Variants in FYN observed in about 807,000 individuals in gnomAD.
FYN encodes tyrosine-protein kinase Fyn.
Under a neutral mutation model 70.2 loss-of-function variants are expected in FYN, and 10 were observed. That is an observed-to-expected ratio of 0.14 (90% CI 0.09 to 0.24). The LOEUF is 0.24. Ranked by LOEUF, FYN falls within the 10% of genes least tolerant of loss-of-function variation. The probability of loss-of-function intolerance (pLI) is 1.00; values close to 1 mark genes in which losing one functional copy is unlikely to be tolerated. For missense variants in FYN, 319 were observed against 673.1 expected (o/e 0.47, Z 5.82); for synonymous variants, 236 against 248.6 (o/e 0.95, Z 0.48).
At chr6:111,669,292 G>C (rs982987325) in intron 13 of FYN, among the ~76,000 whole-genome samples, 1 of 151,830 alleles carries the variant, frequency 6.6e-6, no homozygotes, top group Non-Finnish European at 1.5e-5. Context: ...AAAATTAGCC[G>C]GGCGTGGTGG....
chr6:111,771,761 A>G (rs1049890686), intron 3 of FYN, among the ~76,000 whole-genome samples: 3 of 152,244 alleles, frequency 2.0e-5, no homozygotes, highest in African/African-American at 7.2e-5. Flanking sequence ...TGGTTAACAT[A>G]AAGATCCCGG....
At chr6:111,828,950 G>T (rs1344008864) in intron 2 of FYN, among the ~76,000 whole-genome samples, 2 of 152,162 alleles carry the variant, frequency 1.3e-5, no homozygotes, top group African/African-American at 2.4e-5. Flanking sequence ...TTTGCAGTAG[G>T]ACTTCTCAGA....
At chr6:111,851,097 C>T (rs76559929) in intron 1 of FYN, among the ~76,000 whole-genome samples, 2 of 152,172 alleles carry the variant, frequency 1.3e-5, no homozygotes, top group East Asian at 1.9e-4. Flanking sequence ...ATGAGGGGCA[C>T]GTGATGAACA....
chr6:111,712,324 C>T (rs767597611), intron 5 of FYN, among the ~76,000 whole-genome samples: 4 of 152,096 alleles, frequency 2.6e-5, no homozygotes, highest in African/African-American at 4.8e-5. Context: ...GGCTAAGGGG[C>T]GGAGGATTTC....
chr6:111,673,373 A>T (rs1402904230), intron 13 of FYN, among the ~76,000 whole-genome samples: 1 of 152,102 alleles, frequency 6.6e-6, no homozygotes, highest in Non-Finnish European at 1.5e-5. Flanking sequence ...GGAATTTGTC[A>T]ATTTTGCCTC....
At chr6:111,713,244 G>C (rs1002188525) in intron 5 of FYN, among the ~76,000 whole-genome samples, 1 of 152,158 alleles carries the variant, frequency 6.6e-6, no homozygotes, top group Non-Finnish European at 1.5e-5. Flanking sequence ...GCAGTTTTCA[G>C]GCCTGAAGGA....
intron 1 of FYN, among the ~76,000 whole-genome samples, chr6:111,868,648 T>C (rs545579037): frequency 6.6e-6 from 1 of 152,172 alleles, no homozygotes; most frequent in East Asian, 1.9e-4. Flanking sequence ...TTTAATATCA[T>C]CATTATATGT....
intron 2 of FYN, among the ~76,000 whole-genome samples, chr6:111,836,407 G>A (rs146067502): frequency 2.8e-4 from 43 of 152,198 alleles, no homozygotes; most frequent in African/African-American, 9.9e-4. Context: ...TAACTGATTT[G>A]GGCTTTAGCC....
chr6:111,866,625 A>G (rs1774115733), intron 1 of FYN, among the ~76,000 whole-genome samples: 1 of 152,214 alleles, frequency 6.6e-6, no homozygotes, highest in Admixed American at 6.5e-5. Context: ...TACAGGCGTG[A>G]GCCCCCGTGC....
intron 13 of FYN, among the ~76,000 whole-genome samples, chr6:111,662,193 A>G (rs191704202): frequency 6.6e-6 from 1 of 152,350 alleles, no homozygotes; most frequent in African/African-American, 2.4e-5. Context: ...CACAACAGGC[A>G]ACATACGGTA....
chr6:111,671,875 G>A (rs1798290409), intron 13 of FYN, among the ~76,000 whole-genome samples: 1 of 152,152 alleles, frequency 6.6e-6, no homozygotes, highest in South Asian at 2.1e-4. Context: ...CTCTGTAAAA[G>A]CTTCTCCCTC....
chr6:111,732,146 T>C (rs914306866), intron 3 of FYN, among the ~76,000 whole-genome samples: 4 of 152,168 alleles, frequency 2.6e-5, no homozygotes, highest in Admixed American at 2.0e-4. Flanking sequence ...CCCAGTCAGA[T>C]TTTTCTTAAC....
At chr6:111,830,797 T>C (rs1190126544) in intron 2 of FYN, among the ~76,000 whole-genome samples, 1 of 152,052 alleles carries the variant, frequency 6.6e-6, no homozygotes, top group Non-Finnish European at 1.5e-5. Context: ...TGGAAATCAA[T>C]GGTAGTGAAA....
chr6:111,819,327 C>G (rs1228293080), intron 2 of FYN, among the ~76,000 whole-genome samples: 1 of 152,186 alleles, frequency 6.6e-6, no homozygotes, highest in Non-Finnish European at 1.5e-5. Flanking sequence ...TACAGTACAT[C>G]TACAAATACA....
At chr6:111,713,489 C>T (rs957979352) in intron 5 of FYN, among the ~76,000 whole-genome samples, 3 of 152,062 alleles carry the variant, frequency 2.0e-5, no homozygotes, top group Non-Finnish European at 4.4e-5. Context: ...TCCCAACCAC[C>T]GGGAGCACTC....
At chr6:111,710,139 GA>G (rs1360762019) in intron 5 of FYN, among the ~76,000 whole-genome samples, 1 of 152,234 alleles carries the variant, frequency 6.6e-6, no homozygotes, top group South Asian at 2.1e-4. Context: ...CCCAGCCTGG[GA>G]AATGCTCCAA....
intron 13 of FYN, among the ~76,000 whole-genome samples, chr6:111,663,973 C>T (rs1797885803): frequency 6.6e-6 from 1 of 152,202 alleles, no homozygotes; most frequent in Admixed American, 6.5e-5. Context: ...GCTCTGAACA[C>T]CATCAAGTTT....
At chr6:111,748,413 G>A (rs931500392) in intron 3 of FYN, among the ~76,000 whole-genome samples, 3 of 152,208 alleles carry the variant, frequency 2.0e-5, no homozygotes, top group Non-Finnish European at 4.4e-5. Flanking sequence ...GCTGGACCAT[G>A]TTTTCAACAG....
At chr6:111,696,533 G>T in intron 9 of FYN, 77 bp from the exon 10 acceptor site, 2 of 1,195,832 alleles carry the variant, frequency 1.7e-6, no homozygotes, top group Non-Finnish European at 2.3e-6. Flanking sequence ...CCAGCTATTT[G>T]CATAAGATTA....
Sources: allele counts gnomAD v4.1 joint callset (sites outside exome capture counted in the v4.1 genomes callset), GRCh38; gene constraint gnomAD v4.1.1; transcripts MANE v1.5; gene names NCBI Gene and HGNC (gene_info 2026-07-23, HGNC 2026-07-21).